Variants in MACROD2 observed in about 807,000 individuals in gnomAD.
MACROD2 encodes mono-ADP ribosylhydrolase 2, also known as ADP-ribose glycohydrolase MACROD2.
MACROD2 carries 36 observed loss-of-function variants against 70.4 expected under a neutral mutation model. The observed-to-expected ratio is 0.51, with a 90% CI of 0.39 to 0.68. The LOEUF (loss-of-function observed/expected upper bound fraction) is 0.68, where lower values mean the gene tolerates loss of function less well. Among genes scored for constraint, MACROD2 ranks in the 30% least tolerant of loss-of-function variants. The probability of loss-of-function intolerance (pLI) is 0.00; values close to 1 mark genes in which losing one functional copy is unlikely to be tolerated. For synonymous variants in MACROD2, 172 were observed against 178.8 expected, an observed-to-expected ratio of 0.96 and a Z score of 0.30; for missense variants, 496 against 538.4, an observed-to-expected ratio of 0.92 and a Z score of 0.78.
chr20:15,421,727 T>C (rs1006257042), intron 6 of MACROD2, among the ~76,000 whole-genome samples: 1 of 152,192 alleles, frequency 6.6e-6, no homozygotes, highest in Non-Finnish European at 1.5e-5. Flanking sequence ...CCAGACACCA[T>C]TCTAGGTGCT....
chr20:14,757,741 G>A (rs1003618538), intron 5 of MACROD2: 17 of 1,531,864 alleles, frequency 1.1e-5, no homozygotes, highest in East Asian at 2.3e-5. Context: ...TGAAGGCACA[G>A]TTTGCCTGGA....
intron 3 of MACROD2, chr20:14,337,303 C>T (rs1568565885): frequency 3.3e-6 from 1 of 298,630 alleles, no homozygotes; most frequent in South Asian, 1.6e-4. Flanking sequence ...AGCAAACGTT[C>T]CTATTTGGAT....
At chr20:15,257,040 A>G (rs2077205653) in intron 6 of MACROD2, among the ~76,000 whole-genome samples, 2 of 152,154 alleles carry the variant, frequency 1.3e-5, no homozygotes, top group African/African-American at 4.8e-5. Context: ...CGTGGAAACC[A>G]TAGGACAATG....
intron 6 of MACROD2, among the ~76,000 whole-genome samples, chr20:15,377,454 T>C (rs962055605): frequency 6.6e-6 from 1 of 152,234 alleles, no homozygotes; most frequent in Non-Finnish European, 1.5e-5. Flanking sequence ...GTTAAACTCA[T>C]GACTTACTTT....
intron 8 of MACROD2, among the ~76,000 whole-genome samples, chr20:15,625,091 A>G (rs2049183555): frequency 6.6e-6 from 1 of 152,210 alleles, no homozygotes; most frequent in South Asian, 2.1e-4. Context: ...ATGGAATGTC[A>G]GCAAAAGCCT....
intron 5 of MACROD2, among the ~76,000 whole-genome samples, chr20:14,812,009 G>A (rs190536465): frequency 7.9e-5 from 12 of 152,226 alleles, no homozygotes; most frequent in African/African-American, 2.9e-4. Context: ...CATTGTGGAA[G>A]ACAGTGTGGT....
chr20:14,796,426 G>A (rs2072510788), intron 5 of MACROD2, among the ~76,000 whole-genome samples: 1 of 152,024 alleles, frequency 6.6e-6, no homozygotes, highest in Non-Finnish European at 1.5e-5. Flanking sequence ...ATAGAGCAAT[G>A]TTTTTTTCAC....
chr20:15,715,332 A>T (rs1230971152), intron 8 of MACROD2, among the ~76,000 whole-genome samples: 1 of 152,178 alleles, frequency 6.6e-6, no homozygotes, highest in African/African-American at 2.4e-5. Flanking sequence ...CAGCTCTACC[A>T]AAGAGAATAG....
intron 5 of MACROD2, chr20:14,757,604 C>T: frequency 8.7e-7 from 1 of 1,152,416 alleles, no homozygotes; most frequent in Non-Finnish European, 1.3e-6. Context: ...TTTATGACTC[C>T]TTTTTAAGGA....
At chr20:14,780,124 G>C (rs2072281740) in intron 5 of MACROD2, among the ~76,000 whole-genome samples, 2 of 152,092 alleles carry the variant, frequency 1.3e-5, no homozygotes, top group South Asian at 4.1e-4. Context: ...AACTCAAAAG[G>C]CTGAGGTGAA....
rs528185326 is a variant in MACROD2, at chr20:14,080,509, C to T, written c.164-5112C>T. On this transcript the variant is annotated intron_variant, in intron 2 of 17. Coordinates refer to ENST00000684519, the MANE Select transcript of MACROD2 (RefSeq NM_001351661.2). ...ATAAAAAATTCCAGTAAAACAAACT[C>T]AAAAAGGCCTAAGTGGTCATTTTTG... Among the ~76,000 whole-genome samples, 33 of 141,750 alleles carry T rather than the reference C, an allele frequency of 2.3e-4. No homozygotes were observed. In the South Asian group the frequency reaches 7.5e-3, roughly 32 times the overall value. The allele number at this position is 141,750 out of a possible 152,430, so 93.0% of individuals were successfully genotyped here. A position where few individuals can be genotyped will look rare whatever the true frequency, so the allele number is the denominator to read the frequency against.
chr20:15,836,032 C>T (rs892066002), intron 8 of MACROD2, among the ~76,000 whole-genome samples: 2 of 152,194 alleles, frequency 1.3e-5, no homozygotes, highest in Admixed American at 6.5e-5. Flanking sequence ...GCAGAAGCCT[C>T]AGATCAAGTC....
rs530693735 is a variant in MACROD2, at chr20:14,317,577, G to C, written c.272-175902G>C. Among the ~76,000 whole-genome samples the C allele has an allele frequency of 9.5e-4, 138 of 145,960 alleles. 1 individual carries two copies. The highest frequency in any genetic ancestry group is 3.2e-3 in the African/African-American group (127 of 39,188). Reference sequence around the variant, plus strand: ...GTTGCAGTGAGTGAGCCAAGATTGCGCCACTGCACTCCAGCCTGATGATAG... The same window carrying C: ...GTTGCAGTGAGTGAGCCAAGATTGCCCCACTGCACTCCAGCCTGATGATAG... On this transcript the variant is annotated intron_variant, in intron 3 of 17. Transcript: ENST00000684519.
intron 4 of MACROD2, among the ~76,000 whole-genome samples, chr20:14,641,997 T>C (rs187717622): frequency 1.0e-3 from 155 of 152,312 alleles, no homozygotes; most frequent in Non-Finnish European, 1.7e-3. Context: ...AAGTCCTAGA[T>C]GGTATCTTCT....
At chr20:15,746,562 T>TAAAA (rs536288457) in intron 8 of MACROD2, among the ~76,000 whole-genome samples, 12,578 of 106,550 alleles carry the variant, frequency 0.12, 683 homozygotes, top group Non-Finnish European at 0.15. Context: ...TGGTTTCCAG[T>TAAAA]AAAAAAAAAA....
At chr20:15,409,714 C>T (rs528660681) in intron 6 of MACROD2, among the ~76,000 whole-genome samples, 1 of 152,318 alleles carries the variant, frequency 6.6e-6, no homozygotes, top group East Asian at 1.9e-4. Context: ...AGGGCTCCAT[C>T]CCCTTGGGAT....
chr20:15,085,682 G>T (rs2075741489), intron 5 of MACROD2, among the ~76,000 whole-genome samples: 1 of 151,960 alleles, frequency 6.6e-6, no homozygotes, highest in Non-Finnish European at 1.5e-5. Context: ...TATATCCCTT[G>T]TTTGGAAATG....
chr20:15,069,498 C>T (rs1481113959), intron 5 of MACROD2, among the ~76,000 whole-genome samples: 1 of 152,146 alleles, frequency 6.6e-6, no homozygotes, highest in Non-Finnish European at 1.5e-5. Flanking sequence ...CTGCCCTTCC[C>T]ATCACAGGCC....
chr20:14,802,054 A>T (rs2072582966), intron 5 of MACROD2, among the ~76,000 whole-genome samples: 1 of 152,020 alleles, frequency 6.6e-6, no homozygotes, highest in Non-Finnish European at 1.5e-5. Flanking sequence ...GTCTTTATCA[A>T]ATTACAGAAC....
Sources: gnomAD v4.1 joint callset for allele counts (sites outside exome capture counted in the v4.1 genomes callset) on GRCh38, gnomAD v4.1.1 for gene constraint, MANE v1.5 for transcripts, NCBI Gene and HGNC (gene_info 2026-07-23, HGNC 2026-07-21) for gene names.